The following LCORL variants were observed in gnomAD, a reference collection of about 807,000 sequenced individuals.
LCORL encodes ligand-dependent nuclear receptor corepressor-like protein.
LCORL carries 41 observed loss-of-function variants against 141.8 expected under a neutral mutation model. That is an observed-to-expected ratio of 0.29 (90% CI 0.23 to 0.38). The LOEUF (loss-of-function observed/expected upper bound fraction) is 0.38. Ranked by LOEUF, LCORL falls within the 10% of genes least tolerant of loss-of-function variation. LCORL has a pLI of 1.00. For synonymous variants in LCORL, 618 were observed against 694.1 expected, an observed-to-expected ratio of 0.89 and a Z score of 1.72; for missense variants, 1,759 against 2,035.0, an observed-to-expected ratio of 0.86 and a Z score of 2.61.
intron 7 of LCORL, chr4:17,866,962 G>T (rs547404619): frequency 2.0e-6 from 2 of 984,380 alleles, no homozygotes; most frequent in Non-Finnish European, 2.4e-6. Context: ...GGTGGTAGCA[G>T]CTGGTTAAAG....
At position 17,884,917 on chromosome 4, in the gene LCORL, A is replaced by G. The variant is rs561694719; in HGVS notation, c.776+1151T>C. 6.6e-6 allele frequency among the ~76,000 whole-genome samples: 1 copy of G among 152,076 alleles called. No homozygotes were observed. Among genetic ancestry groups the G allele is most frequent in the East Asian group, 1.9e-4 (1 of 5,166 alleles). On this transcript the variant is annotated intron_variant, in intron 6 of 7. Coordinates refer to ENST00000635767, the Ensembl canonical transcript of LCORL. The surrounding 1 kb of genome is among the most constrained non-coding windows in gnomAD (Gnocchi z 4.4). Reference sequence around the variant, plus strand: ...GTAGTAGTTACTCCTTATCAAAGCAAACGCTACAGTCCTGGTAGGACAATG... The same window carrying G: ...GTAGTAGTTACTCCTTATCAAAGCAGACGCTACAGTCCTGGTAGGACAATG...
intron 4 of LCORL, among the ~76,000 whole-genome samples, chr4:17,921,265 A>G (rs1734259121): frequency 6.6e-6 from 1 of 151,814 alleles, no homozygotes; most frequent in Non-Finnish European, 1.5e-5. Context: ...TGACATTGTG[A>G]TCTGCCCCCA....
rs376016288 is a variant in LCORL at position 17,860,771 on chromosome 4, T to C, written c.5602+12617A>G. On this transcript the variant is annotated intron_variant, in intron 7 of 7. Transcript: ENST00000635767. ...CCTAGATACAATGAGGGTAGAGGCA[T>C]TGAGTAAATACAGCCATTCCAAATT... 3.7e-4 allele frequency among the ~76,000 whole-genome samples: 57 copies of C among 152,228 alleles called. No individual in the cohort carries two copies. The East Asian group carries it at 0.01, about 27-fold the overall frequency.
Position 17,889,759 on chromosome 4 carries a change from T to C in LCORL, c.683-3598A>G, listed in dbSNP as rs560763064. On this transcript the variant is annotated intron_variant, in intron 5 of 7. Coordinates refer to ENST00000635767, the Ensembl canonical transcript of LCORL. Reference sequence around the variant, plus strand: ...TGGTGGGGGTGGGGGAAGGATATTTTCTTTTTCCTCATAATTTACATTTAT... The same window carrying C: ...TGGTGGGGGTGGGGGAAGGATATTTCCTTTTTCCTCATAATTTACATTTAT... 1.3e-4 allele frequency among the ~76,000 whole-genome samples: 20 copies of C among 152,198 alleles called. No homozygotes were observed. The South Asian group carries it at 3.5e-3, about 27-fold the overall frequency.
intron 7 of LCORL, among the ~76,000 whole-genome samples, chr4:17,872,599 T>C (rs1726481463): frequency 6.6e-6 from 1 of 152,156 alleles, no homozygotes; most frequent in South Asian, 2.1e-4. Flanking sequence ...CTGGTCAGTA[T>C]AACTGAGTAA....
chr4:17,874,610 A>G (rs1726721727), exon 7 of LCORL: 4 of 1,233,734 alleles, frequency 3.2e-6, no homozygotes, highest in Non-Finnish European at 4.0e-6. Context: ...TATGAATACA[A>G]TTTTCAGCTT....
chr4:17,873,671 T>C (rs1392637010), exon 7 of LCORL: 1 of 1,233,886 alleles, frequency 8.1e-7, no homozygotes, highest in East Asian at 3.2e-5. Flanking sequence ...AATGAGATCT[T>C]AAAGTAAAGC....
intron 6 of LCORL, chr4:17,883,987 C>G: frequency 6.4e-7 from 1 of 1,550,816 alleles, no homozygotes; most frequent in Non-Finnish European, 8.7e-7. Flanking sequence ...TTTTCCTGGG[C>G]TGCTTACTGT....
intron 1 of LCORL, among the ~76,000 whole-genome samples, chr4:18,018,677 C>A (rs1012295558): frequency 8.5e-5 from 13 of 152,200 alleles, no homozygotes; most frequent in African/African-American, 2.6e-4. Flanking sequence ...TAGAGTTAGG[C>A]TAAGAACTGA....
chr4:17,984,323 G>A (rs1718556142), intron 1 of LCORL, among the ~76,000 whole-genome samples: 2 of 152,068 alleles, frequency 1.3e-5, no homozygotes, highest in Admixed American at 6.5e-5. Flanking sequence ...ATATTTTTTG[G>A]AAGAGTTTCA....
chr4:17,972,429 C>G (rs1716145976), intron 2 of LCORL, among the ~76,000 whole-genome samples: 1 of 151,596 alleles, frequency 6.6e-6, no homozygotes, highest in African/African-American at 2.4e-5. Flanking sequence ...GGCAATTATT[C>G]AATTGAACAT....
intron 7 of LCORL, among the ~76,000 whole-genome samples, chr4:17,870,388 TCTA>T (rs950084922): frequency 2.6e-4 from 40 of 152,272 alleles, no homozygotes; most frequent in Non-Finnish European, 4.9e-4. Context: ...TCTTCCAACT[TCTA>T]CTACATCAGC....
chr4:17,881,513 A>C (rs1292294216), intron 6 of LCORL: 2 of 871,456 alleles, frequency 2.3e-6, no homozygotes, highest in Admixed American at 6.3e-5. Context: ...AAATAATACA[A>C]GTACTAAAAT....
chr4:17,875,587 T>C lies in LCORL; in HGVS notation c.3403A>G (p.Ile1135Val), dbSNP rs141178489. The C allele has an allele frequency of 3.8e-4, 467 of 1,231,178 alleles. No individual in the cohort carries two copies. The African/African-American group carries it at 5.6e-3, about 15-fold the overall frequency. The allele number at this position is 1,231,178 out of a possible 1,614,324, so 76.3% of individuals were successfully genotyped here. ...GTTACTGTAATACTCTTTTTATAAA[T>C]ACCTTCTTTTACTTCTGATATGAGA... The change falls in exon 7 of 8, where the codon ATT becomes GTT. Residue 1135 changes from isoleucine to valine, a missense_variant. Coordinates refer to ENST00000635767, the Ensembl canonical transcript of LCORL.
At chr4:17,867,420 T>C (rs866310825) in intron 7 of LCORL, among the ~76,000 whole-genome samples, 1 of 152,134 alleles carries the variant, frequency 6.6e-6, no homozygotes, top group South Asian at 2.1e-4. Context: ...AGCACAAAAA[T>C]AGCAATAGGC....
chr4:17,985,843 T>C (rs1303658276), intron 1 of LCORL, among the ~76,000 whole-genome samples: 3 of 152,234 alleles, frequency 2.0e-5, no homozygotes, highest in Non-Finnish European at 4.4e-5. Flanking sequence ...GTTTGTGTGG[T>C]TGCTTTACAG....
At chr4:17,941,481 A>C (rs377698722) in intron 4 of LCORL, among the ~76,000 whole-genome samples, 3 of 152,154 alleles carry the variant, frequency 2.0e-5, no homozygotes, top group Admixed American at 6.5e-5. Context: ...ATCATTGATA[A>C]CCACCATAAC....
chr4:17,893,298 A>G, intron 5 of LCORL: 1 of 786,490 alleles, frequency 1.3e-6, no homozygotes, highest in Non-Finnish European at 1.5e-6. Context: ...TGAGTTTAAA[A>G]CCTTAGCTCA....
chr4:17,941,573 A>G (rs1737967887), intron 4 of LCORL, among the ~76,000 whole-genome samples: 1 of 152,192 alleles, frequency 6.6e-6, no homozygotes, highest in Admixed American at 6.5e-5. Flanking sequence ...CACTTCTTAT[A>G]TAAGCTAACG....
Sources: gnomAD v4.1 joint callset for allele counts (sites outside exome capture counted in the v4.1 genomes callset) on GRCh38, gnomAD v4.1.1 for gene constraint, Gnocchi (gnomAD v3.1) non-coding constraint, MANE v1.5 for transcripts, NCBI Gene and HGNC (gene_info 2026-07-23, HGNC 2026-07-21) for gene names.